The following PGGT1B variants were observed in gnomAD, a reference collection of about 807,000 sequenced individuals.
PGGT1B encodes geranylgeranyl transferase type-1 subunit beta.
A neutral mutation model predicts 46.1 loss-of-function variants in PGGT1B; 30 were observed. That is an observed-to-expected ratio of 0.65 (90% CI 0.49 to 0.88). PGGT1B has a LOEUF of 0.88. Among genes scored for constraint, PGGT1B ranks in the 40% least tolerant of loss-of-function variants. The pLI is 0.00. For missense variants in PGGT1B, 376 were observed against 455.9 expected (o/e 0.82, Z 1.60); for synonymous variants, 170 against 160.0 (o/e 1.06, Z -0.47).
At position 115,253,236 on chromosome 5, in the gene PGGT1B, CA is replaced by C; in HGVS notation, c.159del (p.Phe53LeufsTer12). 2 of 1,574,576 alleles carry C rather than the reference CA, an allele frequency of 1.3e-6. No homozygotes were observed. The highest frequency in any genetic ancestry group is 1.7e-6 in the Non-Finnish European group (2 of 1,166,248). ...TCCAACATATCCAGCCCGGAGAGTG[CA>C]AAAAATGCAATTGTCAACCTAAAAG... ...LETSRLTIAF[F>X]ALSGLDMLDS... On this transcript the variant is annotated frameshift_variant, in exon 2 of 9. Coordinates refer to ENST00000419445, the MANE Select transcript of PGGT1B (RefSeq NM_005023.4). LOFTEE classifies it high-confidence loss of function.
chr5:115,212,658 T>C, intron 8 of PGGT1B, 75 bp from the exon 9 acceptor site: 1 of 973,472 alleles, frequency 1.0e-6, no homozygotes, highest in Middle Eastern at 2.2e-4. Context: ...TAGCCACATA[T>C]TTACCAGCCC....
chr5:115,237,776 A>T, intron 4 of PGGT1B, 82 bp downstream of exon 4: 1 of 1,162,138 alleles, frequency 8.6e-7, no homozygotes, highest in African/African-American at 1.5e-5. Flanking sequence ...TCCTCTAAAG[A>T]TCTAGTATAG....
At chr5:115,219,055 T>G (rs1228951740) in intron 7 of PGGT1B, among the ~76,000 whole-genome samples, 2 of 151,854 alleles carry the variant, frequency 1.3e-5, no homozygotes, top group East Asian at 3.8e-4. Context: ...TTCAATGCAA[T>G]TCCCATCAAA....
At chr5:115,224,506 C>A (rs1756699183) in intron 6 of PGGT1B, among the ~76,000 whole-genome samples, 1 of 152,114 alleles carries the variant, frequency 6.6e-6, no homozygotes, top group African/African-American at 2.4e-5. Context: ...AACAGGTAAG[C>A]CTGTTGCTCC....
At chr5:115,239,124 G>A (rs1185880012) in intron 3 of PGGT1B, among the ~76,000 whole-genome samples, 6 of 151,566 alleles carry the variant, frequency 4.0e-5, no homozygotes, top group African/African-American at 1.2e-4. Flanking sequence ...TGCAACCTCC[G>A]CCTCCAAGGC....
chr5:115,242,057 T>C (rs1409768939), intron 2 of PGGT1B, among the ~76,000 whole-genome samples: 1 of 152,190 alleles, frequency 6.6e-6, no homozygotes, highest in Non-Finnish European at 1.5e-5. Context: ...CATTGCTTCT[T>C]TACATGGGAG....
chr5:115,237,998 T>C lies in PGGT1B; in HGVS notation c.339A>G (p.Thr113=), dbSNP rs765575266. 2.7e-5 allele frequency: 44 copies of C among 1,602,612 alleles called. No individual in the cohort carries two copies. Among genetic ancestry groups the C allele is most frequent in the Non-Finnish European group, 3.7e-5 (44 of 1,175,578 alleles). Residue 113 remains threonine (T), a synonymous_variant, in exon 4 of 9, where the codon ACA becomes ACG. Coordinates refer to ENST00000419445, the MANE Select transcript of PGGT1B (RefSeq NM_005023.4). ...IPFNPSKAPG[T]AHPYDSGHIA... ...TGTGGCCACTATCATAAGGATGAGC[T>C]GTTCCAGGAGCCTAAATACAAAATT...
chr5:115,257,718 A>G (rs1748384356), intron 1 of PGGT1B, among the ~76,000 whole-genome samples: 1 of 152,156 alleles, frequency 6.6e-6, no homozygotes, highest in Non-Finnish European at 1.5e-5. Flanking sequence ...CAAGTGTCTT[A>G]AACAAGTGTC....
intron 3 of PGGT1B, among the ~76,000 whole-genome samples, chr5:115,238,766 A>T (rs1304399345): frequency 6.6e-6 from 1 of 152,176 alleles, no homozygotes; most frequent in Non-Finnish European, 1.5e-5. Flanking sequence ...AATCCTAGAA[A>T]ATGAAGATAT....
intron 2 of PGGT1B, chr5:115,252,884 G>GTA (rs1748164178): frequency 2.7e-6 from 1 of 376,960 alleles, no homozygotes; most frequent in Non-Finnish European, 4.7e-6. Context: ...CAAAGTGGAA[G>GTA]TATACAACAT....
In PGGT1B at chr5:115,212,436, T is replaced by C; in HGVS notation, c.1100A>G (p.Lys367Arg). 6.2e-7 allele frequency: 1 copy of C among 1,612,446 alleles called. No individual in the cohort carries two copies. Among genetic ancestry groups the C allele is most frequent in the Non-Finnish European group, 8.5e-7 (1 of 1,179,442 alleles). ...LHQSWKTKDSKQCSENVHIST is the reference protein window; with the variant it reads ...LHQSWKTKDSRQCSENVHIST ...GATATGTACATTCTCTGAGCATTGT[T>C]TAGAGTCCTTGGTTTTCCAGCTTTG... is the stretch of plus-strand genomic sequence containing the variant. The change falls in exon 9 of 9, where the codon AAA (lysine) becomes AGA (arginine). Residue 367 changes from lysine (K) to arginine (R), a missense_variant. Transcript: ENST00000419445.
chr5:115,251,199 A>G (rs1208692746), intron 2 of PGGT1B, among the ~76,000 whole-genome samples: 2 of 152,162 alleles, frequency 1.3e-5, no homozygotes, highest in African/African-American at 2.4e-5. Flanking sequence ...CAAAGCAGCT[A>G]TAAAACTCCT....
intron 2 of PGGT1B, 123 bp downstream of exon 2, chr5:115,253,014 A>C (rs1289257668): frequency 2.4e-6 from 2 of 841,466 alleles, no homozygotes; most frequent in Non-Finnish European, 3.7e-6. Context: ...GCTGCATTAC[A>C]ACAAAATCAC....
chr5:115,245,699 A>C (rs1469730216), intron 2 of PGGT1B, among the ~76,000 whole-genome samples: 2 of 152,236 alleles, frequency 1.3e-5, no homozygotes, highest in Admixed American at 1.3e-4. Context: ...TATCAAGGAA[A>C]GCTTTTTTAA....
chr5:115,253,091 G>C (rs1434337577), intron 2 of PGGT1B, 46 bp downstream of exon 2: 1 of 1,560,688 alleles, frequency 6.4e-7, no homozygotes, highest in South Asian at 1.2e-5. Context: ...TGTTATGTCA[G>C]GTACAACCAG....
In PGGT1B at chr5:115,241,535, C is replaced by T; in HGVS notation, c.327+4G>A. On this transcript the variant is annotated splice_donor_region_variant and intron_variant, in intron 3 of 8. Transcript: ENST00000419445. Reference sequence around the variant, plus strand: ...TACTTCCTTCTGAACCAAATAGAACCAACCTTTGATGGATTGAACGGAATA... The same window carrying T: ...TACTTCCTTCTGAACCAAATAGAACTAACCTTTGATGGATTGAACGGAATA... 1.9e-6 allele frequency: 3 copies of T among 1,591,676 alleles called. No homozygotes were observed. Among genetic ancestry groups the T allele is most frequent in the Non-Finnish European group, 2.6e-6 (3 of 1,166,646 alleles).
chr5:115,232,977 C>T (rs924568341), intron 5 of PGGT1B, among the ~76,000 whole-genome samples: 4 of 151,860 alleles, frequency 2.6e-5, no homozygotes, highest in Admixed American at 2.6e-4. Flanking sequence ...AATCATAGAA[C>T]AACCCCAGCT....
At chr5:115,234,320 C>T (rs1341773573) in intron 5 of PGGT1B, among the ~76,000 whole-genome samples, 1 of 151,264 alleles carries the variant, frequency 6.6e-6, no homozygotes, top group Non-Finnish European at 1.5e-5. Context: ...AAACTGAAAA[C>T]TAACGAGAAT....
At chr5:115,258,420 C>CTA (rs1371631697) in intron 1 of PGGT1B, among the ~76,000 whole-genome samples, 1 of 152,160 alleles carries the variant, frequency 6.6e-6, no homozygotes, top group East Asian at 1.9e-4. Context: ...TGATATATGA[C>CTA]TATATATATG....
Sources: allele counts gnomAD v4.1 joint callset (sites outside exome capture counted in the v4.1 genomes callset), GRCh38; gene constraint gnomAD v4.1.1; transcripts MANE v1.5; gene names NCBI Gene and HGNC (gene_info 2026-07-23, HGNC 2026-07-21).